The following USH2A variants were observed in gnomAD, a reference collection of about 807,000 sequenced individuals.
USH2A encodes the protein usherin.
USH2A carries 443 observed loss-of-function variants against 538.9 expected under a neutral mutation model. The observed-to-expected ratio is 0.82, with a 90% CI of 0.76 to 0.89. The LOEUF (loss-of-function observed/expected upper bound fraction) is 0.89. USH2A is among the 40% of genes least tolerant of loss of function. USH2A has a pLI of 0.00. For missense variants in USH2A, 6,633 were observed against 6,324.8 expected (o/e 1.05, Z -1.65); for synonymous variants, 2,413 against 2,273.5 (o/e 1.06, Z -1.75).
chr1:216,335,947 C>T (rs1296840262), intron 4 of USH2A, among the ~76,000 whole-genome samples: 1 of 151,464 alleles, frequency 6.6e-6, no homozygotes, highest in African/African-American at 2.4e-5. Flanking sequence ...TACCCTAATA[C>T]CAAAAACATC....
chr1:216,253,910 T>C lies in USH2A; in HGVS notation c.1972-2812A>G, dbSNP rs186950811. Among the ~76,000 whole-genome samples, 14 of 152,330 alleles carry C rather than the reference T, an allele frequency of 9.2e-5. No homozygotes were observed. The East Asian group carries it at 1.7e-3, about 19-fold the overall frequency. ...CATCTTGCACTCCAATTATCTACCATCTTCTGTGGCTTCTCTCTTCTTCCT... is the reference window on the plus strand; with the variant it reads ...CATCTTGCACTCCAATTATCTACCACCTTCTGTGGCTTCTCTCTTCTTCCT... On this transcript the variant is annotated intron_variant, in intron 11 of 71. Coordinates refer to ENST00000307340, the MANE Select transcript of USH2A (RefSeq NM_206933.4).
At chr1:216,057,889 C>G (rs1295304766) in intron 30 of USH2A, among the ~76,000 whole-genome samples, 1 of 152,038 alleles carries the variant, frequency 6.6e-6, no homozygotes, top group South Asian at 2.1e-4. Context: ...AATAAAAACA[C>G]TTTTTACCTG....
At position 215,629,138 on chromosome 1, in the gene USH2A, C is replaced by G. The variant is rs991305105; in HGVS notation, c.15298-103G>C. 3.3e-6 allele frequency: 4 copies of G among 1,215,720 alleles called. No homozygotes were observed. The African/African-American group carries it at 6.0e-5, about 18-fold the overall frequency. 75.3% of individuals were successfully genotyped at this position (1,215,720 alleles called of 1,614,324 possible). On this transcript the variant is annotated intron_variant, in intron 70 of 71. Transcript: ENST00000307340. Reference sequence around the variant, plus strand: ...CATTGTCAGTGAAGGGAATGACTGTCTCCTGACAATTGTCACATTGTCAAT... The same window carrying G: ...CATTGTCAGTGAAGGGAATGACTGTGTCCTGACAATTGTCACATTGTCAAT...
At chr1:215,876,436 T>C (rs991922754) in intron 43 of USH2A, among the ~76,000 whole-genome samples, 10 of 152,192 alleles carry the variant, frequency 6.6e-5, no homozygotes, top group African/African-American at 2.4e-4. Context: ...CTACAGCTAA[T>C]ATTCCTAAGG....
At chr1:215,818,499 A>G (rs1662921928) in intron 47 of USH2A, among the ~76,000 whole-genome samples, 1 of 151,804 alleles carries the variant, frequency 6.6e-6, no homozygotes, top group Non-Finnish European at 1.5e-5. Flanking sequence ...ATATGTTTAC[A>G]TTGTCATGTT....
intron 21 of USH2A, among the ~76,000 whole-genome samples, chr1:216,153,188 C>G (rs1478460749): frequency 6.6e-6 from 1 of 152,178 alleles, no homozygotes; most frequent in Non-Finnish European, 1.5e-5. Flanking sequence ...TTCTTGGACA[C>G]CGGACAAGAA....
chr1:216,169,590 G>A (rs751411590), intron 21 of USH2A, among the ~76,000 whole-genome samples: 3 of 152,052 alleles, frequency 2.0e-5, no homozygotes, highest in African/African-American at 7.2e-5. Flanking sequence ...TAGTTATCAT[G>A]AGTCAGTGTG....
chr1:216,308,434 G>A (rs1423382979), intron 9 of USH2A, among the ~76,000 whole-genome samples: 1 of 151,976 alleles, frequency 6.6e-6, no homozygotes. Context: ...CTGATAACCA[G>A]TAAAGTTGCA....
chr1:216,135,487 T>G (rs1295882270), intron 21 of USH2A, among the ~76,000 whole-genome samples: 1 of 152,082 alleles, frequency 6.6e-6, no homozygotes, highest in Non-Finnish European at 1.5e-5. Context: ...ATTTCCAATC[T>G]CAATTACAAT....
At chr1:216,115,297 A>G (rs2032979862) in intron 21 of USH2A, among the ~76,000 whole-genome samples, 1 of 152,028 alleles carries the variant, frequency 6.6e-6, no homozygotes, top group African/African-American at 2.4e-5. Flanking sequence ...ATGTGCCATC[A>G]CACCCAGCTA....
intron 21 of USH2A, chr1:216,174,701 C>G: frequency 1.0e-6 from 1 of 986,618 alleles, no homozygotes; most frequent in Non-Finnish European, 1.2e-6. Context: ...ATTAGTTTTC[C>G]CCACAATGTT....
chr1:215,737,130 A>G (rs565004049), intron 60 of USH2A, among the ~76,000 whole-genome samples: 3 of 152,108 alleles, frequency 2.0e-5, no homozygotes, highest in African/African-American at 7.2e-5. Context: ...ATGAGTCATT[A>G]AAAGAAATTA....
At chr1:216,079,140 A>C (rs1558247215) in intron 26 of USH2A, 1 of 152,178 alleles carries the variant, frequency 6.6e-6, no homozygotes, top group Non-Finnish European at 1.5e-5. Context: ...AACAAATTAA[A>C]TCATGCCAGA....
chr1:216,281,353 G>T (rs1449314427), intron 11 of USH2A, among the ~76,000 whole-genome samples: 1 of 151,850 alleles, frequency 6.6e-6, no homozygotes, highest in Non-Finnish European at 1.5e-5. Context: ...TTTGGAAAGA[G>T]AAAAAAGTTT....
At chr1:215,766,307 C>T (rs1661126585) in intron 56 of USH2A, among the ~76,000 whole-genome samples, 1 of 152,134 alleles carries the variant, frequency 6.6e-6, no homozygotes, top group African/African-American at 2.4e-5. Context: ...ACAGATCTTT[C>T]TCCTATCACT....
intron 21 of USH2A, among the ~76,000 whole-genome samples, chr1:216,106,004 A>G (rs2032721785): frequency 6.6e-6 from 1 of 151,514 alleles, no homozygotes; most frequent in Non-Finnish European, 1.5e-5. Flanking sequence ...GCATTTACAT[A>G]CAAAATTATG....
intron 3 of USH2A, 136 bp downstream of exon 3, chr1:216,418,378 T>C (rs1347882973): frequency 1.4e-5 from 13 of 958,278 alleles, no homozygotes; most frequent in Non-Finnish European, 1.7e-5. Context: ...ATTTTTCTTC[T>C]TTAGTTGTCA....
intron 61 of USH2A, among the ~76,000 whole-genome samples, chr1:215,702,720 T>C (rs1378475497): frequency 6.6e-6 from 1 of 152,030 alleles, no homozygotes; most frequent in Admixed American, 6.6e-5. Context: ...GTAACCTTTT[T>C]TTTCAAGGTT....
At chr1:216,181,845 C>T (rs1381235402) in intron 20 of USH2A, among the ~76,000 whole-genome samples, 1 of 152,084 alleles carries the variant, frequency 6.6e-6, no homozygotes, top group Non-Finnish European at 1.5e-5. Flanking sequence ...TCCTGCAGCA[C>T]AAATAAATGT....
Sources: allele counts gnomAD v4.1 joint callset (sites outside exome capture counted in the v4.1 genomes callset), GRCh38; gene constraint gnomAD v4.1.1; transcripts MANE v1.5; gene names NCBI Gene and HGNC (gene_info 2026-07-23, HGNC 2026-07-21).